Variants in NOX4 observed in about 807,000 individuals in gnomAD.
NOX4 encodes NADPH oxidase 4, also known as kidney oxidase-1.
A neutral mutation model predicts 87.6 loss-of-function variants in NOX4; 69 were observed. The observed-to-expected ratio is 0.79, with a 90% CI of 0.65 to 0.96. NOX4 has a LOEUF of 0.96. Among genes scored for constraint, NOX4 ranks in the 40% least tolerant of loss-of-function variants. The probability of loss-of-function intolerance (pLI) is 0.00; values close to 1 mark genes in which losing one functional copy is unlikely to be tolerated. For synonymous variants in NOX4, 275 were observed against 238.2 expected (o/e 1.15, Z -1.42); for missense variants, 680 against 681.5 (o/e 1.00, Z 0.02).
the NOX4 span, among the ~76,000 whole-genome samples, chr11:89,569,946 G>A: frequency 1.1e-4 from 16 of 150,362 alleles, no homozygotes; most frequent in Admixed American, 8.0e-4. Context: ...AGCTTGCAGC[G>A]AGCCAAGATC....
At position 89,445,624 on chromosome 11, in the gene NOX4, C is replaced by T. The variant is rs180896682; in HGVS notation, c.350-1392G>A. Among the ~76,000 whole-genome samples, 14 of 152,152 alleles carry T rather than the reference C, an allele frequency of 9.2e-5. No individual in the cohort carries two copies. In the East Asian group the frequency reaches 2.1e-3, roughly 23 times the overall value. On this transcript the variant is annotated intron_variant, in intron 4 of 17. Transcript: ENST00000263317. The stretch of plus-strand genomic sequence containing the variant: ...CAAAAGCAATACAAAGAAGAAAATG[C>T]GTTTGTCACAAATGGACCTGAAACA...
chr11:89,578,054 T>C, the NOX4 span, among the ~76,000 whole-genome samples: 3 of 151,976 alleles, frequency 2.0e-5, no homozygotes, highest in African/African-American at 4.8e-5. Context: ...AGGAGGTGAG[T>C]TTTTGTGGCT....
At chr11:89,399,530 C>A (rs2135175207) in intron 11 of NOX4, among the ~76,000 whole-genome samples, 1 of 144,194 alleles carries the variant, frequency 6.9e-6, no homozygotes, top group Non-Finnish European at 1.5e-5. Flanking sequence ...GTGGTGGGAT[C>A]AAGGCTCAAT....
chr11:89,558,738 T>C, the NOX4 span, among the ~76,000 whole-genome samples: 3 of 152,230 alleles, frequency 2.0e-5, no homozygotes, highest in Admixed American at 1.3e-4. Flanking sequence ...AACTATGCCA[T>C]AGGCCAGTTT....
At chr11:89,383,940 C>G (rs1328069130) in intron 11 of NOX4, among the ~76,000 whole-genome samples, 2 of 152,076 alleles carry the variant, frequency 1.3e-5, no homozygotes, top group Non-Finnish European at 2.9e-5. Flanking sequence ...CCATTAAAAC[C>G]TAATCACCTT....
intron 8 of NOX4, 105 bp downstream of exon 8, chr11:89,421,797 C>T (rs1943095741): frequency 3.2e-6 from 2 of 618,258 alleles, no homozygotes; most frequent in Non-Finnish European, 5.7e-6. Flanking sequence ...ATTTCTTTCA[C>T]TCTTGACACT....
chr11:89,441,426 C>T (rs1321833627), intron 5 of NOX4, among the ~76,000 whole-genome samples: 1 of 152,088 alleles, frequency 6.6e-6, no homozygotes, highest in Non-Finnish European at 1.5e-5. Flanking sequence ...ATTTCACAAG[C>T]TTTTGAATTT....
At chr11:89,361,728 T>C (rs1452751360) in intron 12 of NOX4, among the ~76,000 whole-genome samples, 1 of 152,160 alleles carries the variant, frequency 6.6e-6, no homozygotes, top group African/African-American at 2.4e-5. Context: ...TTATTCCTGC[T>C]GTCCTAGCAT....
the NOX4 span, among the ~76,000 whole-genome samples, chr11:89,554,939 T>G: frequency 6.6e-6 from 1 of 152,130 alleles, no homozygotes; most frequent in African/African-American, 2.4e-5. Flanking sequence ...AAATCCAAAT[T>G]AAAATAATTT....
At chr11:89,402,917 T>C (rs1225368467) in intron 8 of NOX4, among the ~76,000 whole-genome samples, 2 of 152,190 alleles carry the variant, frequency 1.3e-5, no homozygotes, top group African/African-American at 4.8e-5. Flanking sequence ...AGGAATATTT[T>C]GCTAGATATC....
chr11:89,490,633 T>A, intron 1 of NOX4, 80 bp from the exon 2 acceptor site: 1 of 996,904 alleles, frequency 1.0e-6, no homozygotes, highest in Non-Finnish European at 1.6e-6. Context: ...ACAGGTAAAT[T>A]CTTCGACACA....
At chr11:89,339,177 T>A (rs1291516838) in intron 15 of NOX4, among the ~76,000 whole-genome samples, 2 of 152,108 alleles carry the variant, frequency 1.3e-5, no homozygotes, top group Admixed American at 6.6e-5. Flanking sequence ...TAAAAAAGTA[T>A]CTAACATTAG....
At chr11:89,534,655 A>G in the NOX4 span, among the ~76,000 whole-genome samples, 15 of 152,210 alleles carry the variant, frequency 9.9e-5, no homozygotes, top group African/African-American at 3.4e-4. Flanking sequence ...TGCTGTCAGC[A>G]AAGAAAATCA....
the NOX4 span, chr11:89,556,977 C>T: frequency 5.3e-5 from 8 of 152,230 alleles, no homozygotes; most frequent in African/African-American, 9.6e-5. Flanking sequence ...TAACTTCACA[C>T]GTGCAGTCAT....
chr11:89,542,709 C>T, the NOX4 span, among the ~76,000 whole-genome samples: 2 of 152,130 alleles, frequency 1.3e-5, no homozygotes, highest in Non-Finnish European at 2.9e-5. Context: ...GACATCATCA[C>T]CTTGCTCCAT....
At chr11:89,449,695 T>C (rs912939911) in intron 3 of NOX4, among the ~76,000 whole-genome samples, 171 bp from the exon 4 acceptor site, 1 of 151,976 alleles carries the variant, frequency 6.6e-6, no homozygotes, top group African/African-American at 2.4e-5. Context: ...CCTAAACCAT[T>C]AAAAAATATA....
chr11:89,429,200 AT>A (rs1165520366), intron 7 of NOX4, among the ~76,000 whole-genome samples: 19 of 152,228 alleles, frequency 1.2e-4, no homozygotes, highest in Non-Finnish European at 2.1e-4. Flanking sequence ...TCTGGGACAC[AT>A]TTAAAGCAGT....
At chr11:89,395,059 A>T (rs1941381614) in intron 11 of NOX4, among the ~76,000 whole-genome samples, 1 of 152,086 alleles carries the variant, frequency 6.6e-6, no homozygotes, top group Admixed American at 6.6e-5. Flanking sequence ...CTAGTTCTAG[A>T]TCTCTGAGGA....
At chr11:89,511,811 A>G in the NOX4 span, among the ~76,000 whole-genome samples, 1 of 151,900 alleles carries the variant, frequency 6.6e-6, no homozygotes, top group African/African-American at 2.4e-5. Flanking sequence ...GAGAAGAGCC[A>G]CTCTCCAGAT....
Sources: allele counts gnomAD v4.1 joint callset (sites outside exome capture counted in the v4.1 genomes callset), GRCh38; gene constraint gnomAD v4.1.1; transcripts MANE v1.5; gene names NCBI Gene and HGNC (gene_info 2026-07-23, HGNC 2026-07-21).